EBF1: variants seen among roughly 807,000 people sequenced by gnomAD.
EBF1 encodes EBF transcription factor 1.
A neutral mutation model predicts 68.4 loss-of-function variants in EBF1; 10 were observed. The ratio of observed to expected loss-of-function variants is 0.15; its 90% CI spans 0.09 to 0.25. The LOEUF is 0.25. Among genes scored for constraint, EBF1 ranks in the 10% least tolerant of loss-of-function variants. The probability of loss-of-function intolerance (pLI) is 1.00; values close to 1 mark genes in which losing one functional copy is unlikely to be tolerated. For missense variants in EBF1, 509 were observed against 794.4 expected, an observed-to-expected ratio of 0.64 and a Z score of 4.32; for synonymous variants, 298 against 299.8, an observed-to-expected ratio of 0.99 and a Z score of 0.06.
chr5:158,984,483 T>C (rs1034320746), intron 6 of EBF1, among the ~76,000 whole-genome samples: 2 of 152,138 alleles, frequency 1.3e-5, no homozygotes, highest in Admixed American at 1.3e-4. Flanking sequence ...GGTACAAGGA[T>C]ATGAGCATTA....
At chr5:159,089,100 C>A (rs1482897579) in intron 4 of EBF1, among the ~76,000 whole-genome samples, 1 of 152,010 alleles carries the variant, frequency 6.6e-6, no homozygotes, top group Non-Finnish European at 1.5e-5. Flanking sequence ...ACTAGCCTAC[C>A]TTTTCTGCTG....
At chr5:158,777,139 C>T (rs1255302830) in intron 10 of EBF1, among the ~76,000 whole-genome samples, 1 of 152,134 alleles carries the variant, frequency 6.6e-6, no homozygotes, top group East Asian at 1.9e-4. Flanking sequence ...GGACTAGCTA[C>T]ACCTCTTTCC....
At chr5:158,939,408 A>G (rs1332027176) in intron 6 of EBF1, among the ~76,000 whole-genome samples, 2 of 152,214 alleles carry the variant, frequency 1.3e-5, no homozygotes, top group Admixed American at 6.5e-5. Flanking sequence ...CTCCTAGAAG[A>G]GGCTGGTAGT....
chr5:158,952,629 T>A (rs1816249090), intron 6 of EBF1, among the ~76,000 whole-genome samples: 1 of 152,230 alleles, frequency 6.6e-6, no homozygotes, highest in African/African-American at 2.4e-5. Context: ...AATATAACAA[T>A]ACAATGCAAT....
At chr5:158,849,778 T>C (rs946108610) in intron 6 of EBF1, among the ~76,000 whole-genome samples, 5 of 152,244 alleles carry the variant, frequency 3.3e-5, no homozygotes, top group African/African-American at 1.2e-4. Context: ...GAATAGGCAC[T>C]ACTTTAATGA....
At chr5:158,859,927 G>A (rs1301412012) in intron 6 of EBF1, among the ~76,000 whole-genome samples, 2 of 152,144 alleles carry the variant, frequency 1.3e-5, no homozygotes, top group African/African-American at 2.4e-5. Context: ...TATGTGAAGG[G>A]AACGTATTTT....
intron 6 of EBF1, among the ~76,000 whole-genome samples, chr5:158,857,008 T>C (rs990675559): frequency 1.3e-5 from 2 of 152,088 alleles, no homozygotes; most frequent in Non-Finnish European, 2.9e-5. Flanking sequence ...AAACAAACCT[T>C]TCTTCTGCCC....
chr5:158,924,852 CAAAAAAAAA>C (rs34744460), intron 6 of EBF1, among the ~76,000 whole-genome samples: 1 of 50,892 alleles, frequency 2.0e-5, no homozygotes, highest in African/African-American at 7.7e-5. Flanking sequence ...GACTCTGTCT[CAAAAAAAAA>C]AAAAAAAAAA....
chr5:158,749,004 G>A (rs1271458772), intron 10 of EBF1, among the ~76,000 whole-genome samples: 1 of 152,160 alleles, frequency 6.6e-6, no homozygotes, highest in Non-Finnish European at 1.5e-5. Context: ...GCAGGAGTTT[G>A]AGGTGTGTCC....
chr5:158,823,937 TA>T lies in EBF1; in HGVS notation c.637-621del, dbSNP rs35469600. Among the ~76,000 whole-genome samples the T allele has an allele frequency of 4.0e-3, 605 of 149,572 alleles. 4 individuals are homozygous for T. Among genetic ancestry groups the T allele is most frequent in the African/African-American group, 0.014 (575 of 40,714 alleles). ...TAAGGGTCTTAGATCTGTTTCAAAT[TA>T]AAAAAAAAACTGGTGGGAATGGCCC... is the stretch of plus-strand genomic sequence containing the variant. On this transcript the variant is annotated intron_variant, in intron 7 of 15. Coordinates refer to ENST00000313708, the MANE Select transcript of EBF1 (RefSeq NM_024007.5).
intron 8 of EBF1, among the ~76,000 whole-genome samples, chr5:158,804,999 A>G (rs961431951): frequency 2.0e-5 from 3 of 152,154 alleles, no homozygotes; most frequent in Non-Finnish European, 4.4e-5. Context: ...TGATTATACA[A>G]TAAGTAAATA....
intron 8 of EBF1, among the ~76,000 whole-genome samples, chr5:158,801,652 AAG>A (rs977670997): frequency 1.3e-5 from 2 of 151,704 alleles, no homozygotes; most frequent in African/African-American, 4.8e-5. Context: ...TGAGAAGGAA[AAG>A]AGAGGGAAGA....
intron 6 of EBF1, among the ~76,000 whole-genome samples, chr5:158,920,571 TTTTC>T (rs1337701599): frequency 6.6e-6 from 1 of 152,068 alleles, no homozygotes; most frequent in East Asian, 1.9e-4. Context: ...CCAAGGGAAC[TTTTC>T]TTTCTTCTTT....
At chr5:159,096,004 A>T (rs534652845) in intron 3 of EBF1, among the ~76,000 whole-genome samples, 2 of 152,350 alleles carry the variant, frequency 1.3e-5, no homozygotes, top group South Asian at 4.1e-4. Flanking sequence ...CTTCAAGGCC[A>T]TGACCCTTCA....
chr5:158,979,008 C>T (rs1757385388), intron 6 of EBF1, among the ~76,000 whole-genome samples: 1 of 152,082 alleles, frequency 6.6e-6, no homozygotes, highest in Non-Finnish European at 1.5e-5. Context: ...TCTTCCTGAT[C>T]TGAGGTGGGA....
intron 8 of EBF1, among the ~76,000 whole-genome samples, chr5:158,798,935 G>C (rs543632525): frequency 1.4e-4 from 21 of 152,278 alleles, no homozygotes; most frequent in Admixed American, 1.1e-3. Context: ...GCCATTCTTA[G>C]AGCAGGTAAG....
chr5:158,758,820 G>A (rs1420861391), intron 10 of EBF1, among the ~76,000 whole-genome samples: 1 of 152,072 alleles, frequency 6.6e-6, no homozygotes, highest in Non-Finnish European at 1.5e-5. Context: ...AACTGACTTA[G>A]CATACTCCCT....
chr5:158,857,500 TC>T (rs1794261890), intron 6 of EBF1, among the ~76,000 whole-genome samples: 1 of 152,082 alleles, frequency 6.6e-6, no homozygotes, highest in East Asian at 1.9e-4. Flanking sequence ...CCAAGTATAA[TC>T]TTTTTGGTGC....
Position 158,930,276 on chromosome 5 carries a change from G to GT in EBF1, c.555-90167dup, listed in dbSNP as rs1161048919. On this transcript the variant is annotated intron_variant, in intron 6 of 15. Coordinates refer to ENST00000313708, the MANE Select transcript of EBF1 (RefSeq NM_024007.5). ...AGTTTTTTTGTTTTTTTTTTTGTTTGTTTTTTTTTGGTTGTTAAGTCTCCC... is the reference window on the plus strand; with the variant it reads ...AGTTTTTTTGTTTTTTTTTTTGTTTGTTTTTTTTTTGGTTGTTAAGTCTCCC... 4.8e-3 allele frequency among the ~76,000 whole-genome samples: 658 copies of GT among 137,274 alleles called. 4 individuals are homozygous for GT. The highest frequency in any genetic ancestry group is 0.015 in the African/African-American group (557 of 36,514). 90.1% of individuals were successfully genotyped at this position (137,274 alleles called of 152,430 possible).
Sources: allele counts gnomAD v4.1 joint callset (sites outside exome capture counted in the v4.1 genomes callset), GRCh38; gene constraint gnomAD v4.1.1; transcripts MANE v1.5; gene names NCBI Gene and HGNC (gene_info 2026-07-23, HGNC 2026-07-21).